SPMAP2L: variants seen among roughly 807,000 people sequenced by gnomAD.
SPMAP2L encodes the protein sperm microtubule associated protein 2-like.
chr4:56,539,090 A>G, the SPMAP2L span, among the ~76,000 whole-genome samples: 1 of 152,240 alleles, frequency 6.6e-6, no homozygotes, highest in Non-Finnish European at 1.5e-5. Flanking sequence ...AAGATGACTA[A>G]GACATGGCAT....
At chr4:56,612,657 G>A in the SPMAP2L span, among the ~76,000 whole-genome samples, 68 of 151,582 alleles carry the variant, frequency 4.5e-4, no homozygotes, top group African/African-American at 1.4e-3. Flanking sequence ...AATCTCCACC[G>A]CCCGGGTTCA....
chr4:56,570,681 C>T, the SPMAP2L span, among the ~76,000 whole-genome samples: 1 of 152,078 alleles, frequency 6.6e-6, no homozygotes, highest in South Asian at 2.1e-4. Flanking sequence ...GACATGACTG[C>T]ATGCTACGGT....
At chr4:56,603,352 G>T in the SPMAP2L span, 4 of 1,485,414 alleles carry the variant, frequency 2.7e-6, no homozygotes, top group East Asian at 9.9e-5. Context: ...GTCAGACCCT[G>T]GTTATGTATC....
the SPMAP2L span, chr4:56,531,312 C>A: frequency 3.3e-6 from 4 of 1,216,408 alleles, no homozygotes; most frequent in East Asian, 5.2e-5. Flanking sequence ...GAAAAGAACT[C>A]GTGTCATTTA....
chr4:56,565,975 C>T, the SPMAP2L span, among the ~76,000 whole-genome samples: 1 of 151,948 alleles, frequency 6.6e-6, no homozygotes, highest in Non-Finnish European at 1.5e-5. Context: ...TTACTTTTAA[C>T]CTATTTGTGT....
chr4:56,575,701 T>C, the SPMAP2L span: 1 of 1,489,908 alleles, frequency 6.7e-7, no homozygotes, highest in South Asian at 1.3e-5. Context: ...TGTCTTAGTA[T>C]TTTTGTTCTA....
chr4:56,576,277 T>G, the SPMAP2L span, among the ~76,000 whole-genome samples: 1 of 152,282 alleles, frequency 6.6e-6, no homozygotes, highest in East Asian at 1.9e-4. Flanking sequence ...GAAACTATGT[T>G]ATGTGAAAAA....
At chr4:56,531,293 TG>T in the SPMAP2L span, 1 of 1,311,016 alleles carries the variant, frequency 7.6e-7, no homozygotes, top group Middle Eastern at 2.3e-4. Context: ...TGCAAGAGCT[TG>T]CCATATTGAA....
the SPMAP2L span, among the ~76,000 whole-genome samples, chr4:56,573,264 C>T: frequency 6.6e-6 from 1 of 152,066 alleles, no homozygotes; most frequent in African/African-American, 2.4e-5. Context: ...CTTGTTTAGT[C>T]TTCATAATCA....
the SPMAP2L span, among the ~76,000 whole-genome samples, chr4:56,573,312 T>TA: frequency 1.3e-5 from 2 of 152,218 alleles, no homozygotes; most frequent in Non-Finnish European, 2.9e-5. Context: ...GTAGAACACT[T>TA]ATGTACTTCT....
At chr4:56,592,234 C>A in the SPMAP2L span, among the ~76,000 whole-genome samples, 1 of 152,198 alleles carries the variant, frequency 6.6e-6, no homozygotes, top group Non-Finnish European at 1.5e-5. Context: ...CATCCCTAAA[C>A]CATCCTTTTC....
the SPMAP2L span, among the ~76,000 whole-genome samples, chr4:56,602,975 G>A: frequency 7.2e-5 from 11 of 152,122 alleles, no homozygotes; most frequent in African/African-American, 2.7e-4. Context: ...TTTACTTTCT[G>A]GGGAAAGAGA....
chr4:56,614,855 C>T, the SPMAP2L span, among the ~76,000 whole-genome samples: 1 of 152,136 alleles, frequency 6.6e-6, no homozygotes, highest in Non-Finnish European at 1.5e-5. Flanking sequence ...GTTGTTTCCC[C>T]ACCACCTAGA....
At chr4:56,558,924 C>T in the SPMAP2L span, among the ~76,000 whole-genome samples, 1 of 151,968 alleles carries the variant, frequency 6.6e-6, no homozygotes, top group African/African-American at 2.4e-5. Flanking sequence ...GTTTTCTCAC[C>T]TCTACCCACT....
chr4:56,575,905 C>T, the SPMAP2L span, among the ~76,000 whole-genome samples: 2 of 152,196 alleles, frequency 1.3e-5, no homozygotes, highest in African/African-American at 4.8e-5. Flanking sequence ...AAATATGCAA[C>T]TAAAACACCA....
the SPMAP2L span, chr4:56,594,451 T>C: frequency 6.2e-7 from 1 of 1,603,228 alleles, no homozygotes; most frequent in African/African-American, 1.3e-5. Flanking sequence ...TCTGAGAGCT[T>C]GAGAAGGATT....
At chr4:56,531,002 C>T in the SPMAP2L span, 12 of 1,535,376 alleles carry the variant, frequency 7.8e-6, no homozygotes, top group Non-Finnish European at 9.6e-6. Flanking sequence ...CCCCATGCAG[C>T]CCCCAAACTC....
the SPMAP2L span, among the ~76,000 whole-genome samples, chr4:56,622,593 C>T: frequency 6.6e-6 from 1 of 152,166 alleles, no homozygotes; most frequent in Admixed American, 6.5e-5. Context: ...TCAGCAATAA[C>T]ACATTTCATT....
chr4:56,593,719 C>T, the SPMAP2L span: 18 of 1,575,764 alleles, frequency 1.1e-5, no homozygotes, highest in Middle Eastern at 1.7e-4. Context: ...CAACAAGAGA[C>T]GCCACTGGGA....
Sources: allele counts gnomAD v4.1 joint callset (sites outside exome capture counted in the v4.1 genomes callset), GRCh38; gene constraint gnomAD v4.1.1; transcripts MANE v1.5; gene names NCBI Gene and HGNC (gene_info 2026-07-23, HGNC 2026-07-21).